PTPN4: variants seen among roughly 807,000 people sequenced by gnomAD.
PTPN4 encodes the protein tyrosine-protein phosphatase non-receptor type 4.
PTPN4 carries 49 observed loss-of-function variants against 135.5 expected under a neutral mutation model. That is an observed-to-expected ratio of 0.36 (90% confidence interval 0.29 to 0.46). The LOEUF is 0.46. PTPN4 is among the 20% of genes least tolerant of loss of function. The pLI, the probability that PTPN4 is intolerant of heterozygous loss-of-function variation, is 1.00. For synonymous variants in PTPN4, 333 were observed against 369.9 expected, an observed-to-expected ratio of 0.90 and a Z score of 1.14; for missense variants, 860 against 1,101.0, an observed-to-expected ratio of 0.78 and a Z score of 3.10.
Position 119,759,935 on chromosome 2 carries a change from AGCTCACGCC to A in PTPN4, c.-464_-456del, listed in dbSNP as rs2104911291. ...CAAACGCTGCCCAGGATTACCCGCCAGCTCACGCCGCGCAGTGCGCTTTTCCGCTCCTCG... is the reference window on the plus strand; with the variant it reads ...CAAACGCTGCCCAGGATTACCCGCCAGCGCAGTGCGCTTTTCCGCTCCTCG... On this transcript the variant is annotated 5_prime_UTR_variant, in exon 1 of 27. Transcript: ENST00000263708. 5.6e-6 allele frequency: 2 copies of A among 358,668 alleles called. No homozygotes were observed. The highest frequency in any genetic ancestry group is 9.4e-5 in the Admixed American group (2 of 21,298). The allele number at this position is 358,668 out of a possible 1,614,324, so 22.2% of individuals were successfully genotyped here.
At chr2:119,816,851 A>T (rs1308454181) in intron 2 of PTPN4, among the ~76,000 whole-genome samples, 2 of 152,192 alleles carry the variant, frequency 1.3e-5, no homozygotes, top group African/African-American at 4.8e-5. Flanking sequence ...TTAATCTGGA[A>T]TTTACGGAGA....
intron 8 of PTPN4, among the ~76,000 whole-genome samples, chr2:119,884,734 A>G (rs1188421626): frequency 1.3e-5 from 2 of 152,208 alleles, no homozygotes; most frequent in Non-Finnish European, 2.9e-5. Flanking sequence ...AATGAAGAAA[A>G]ACAGAAGTAT....
At chr2:119,943,703 A>G (rs2105046171) in intron 15 of PTPN4, among the ~76,000 whole-genome samples, 1 of 142,892 alleles carries the variant, frequency 7.0e-6, no homozygotes, top group Middle Eastern at 4.4e-3. Context: ...CTCCTGCCTC[A>G]GCCCCCCCGA....
At chr2:119,914,943 T>C (rs1678629826) in intron 10 of PTPN4, among the ~76,000 whole-genome samples, 1 of 152,192 alleles carries the variant, frequency 6.6e-6, no homozygotes, top group Non-Finnish European at 1.5e-5. Context: ...AATTTTAATT[T>C]GTGACATCTG....
intron 1 of PTPN4, among the ~76,000 whole-genome samples, chr2:119,773,569 C>A (rs976193128): frequency 6.6e-6 from 1 of 151,888 alleles, no homozygotes; most frequent in Non-Finnish European, 1.5e-5. Context: ...AACCCTGCAT[C>A]TACTAAAAAT....
chr2:119,923,127 G>A (rs921989365), intron 12 of PTPN4, among the ~76,000 whole-genome samples: 2 of 152,154 alleles, frequency 1.3e-5, no homozygotes, highest in Non-Finnish European at 2.9e-5. Context: ...TAATCTCAGT[G>A]TTGTGGGAGA....
intron 26 of PTPN4, among the ~76,000 whole-genome samples, chr2:119,970,642 C>T (rs908876421): frequency 2.6e-5 from 4 of 152,116 alleles, no homozygotes; most frequent in African/African-American, 9.7e-5. Flanking sequence ...TTACTTTATT[C>T]CTTTTTCTTG....
intron 9 of PTPN4, among the ~76,000 whole-genome samples, chr2:119,894,344 T>G (rs544811851): frequency 6.6e-6 from 1 of 152,360 alleles, no homozygotes; most frequent in East Asian, 1.9e-4. Flanking sequence ...TCTACTGTAC[T>G]CAAATCACAT....
chr2:119,910,885 A>C (rs1262075072), intron 10 of PTPN4, among the ~76,000 whole-genome samples: 5 of 152,188 alleles, frequency 3.3e-5, no homozygotes, highest in Non-Finnish European at 7.4e-5. Context: ...CTTTATTAGC[A>C]GTGTGAGAAT....
At chr2:119,866,203 G>A (rs966472763) in intron 3 of PTPN4, among the ~76,000 whole-genome samples, 1 of 152,116 alleles carries the variant, frequency 6.6e-6, no homozygotes, top group Middle Eastern at 3.4e-3. Flanking sequence ...TTATCAGCAT[G>A]CTATTTAACA....
intron 13 of PTPN4, among the ~76,000 whole-genome samples, chr2:119,929,718 C>A (rs2105035490): frequency 6.6e-6 from 1 of 152,158 alleles, no homozygotes; most frequent in East Asian, 1.9e-4. Context: ...GGGTGGGTCC[C>A]TGAGGTTAAA....
intron 10 of PTPN4, among the ~76,000 whole-genome samples, chr2:119,906,939 G>C (rs78964143): frequency 0.023 from 3,526 of 152,220 alleles, 129 homozygotes; most frequent in African/African-American, 0.077. Context: ...AAGTCTCTTA[G>C]AACTATTAAG....
At chr2:119,912,929 A>G (rs1048401009) in intron 10 of PTPN4, among the ~76,000 whole-genome samples, 1 of 152,132 alleles carries the variant, frequency 6.6e-6, no homozygotes, top group East Asian at 1.9e-4. Context: ...TCACTATCAT[A>G]TATCTCTATA....
chr2:119,946,011 C>T (rs1679127871), intron 16 of PTPN4, among the ~76,000 whole-genome samples: 1 of 151,926 alleles, frequency 6.6e-6, no homozygotes, highest in Non-Finnish European at 1.5e-5. Flanking sequence ...TTATGAGCAC[C>T]CTCTGTATAC....
At chr2:119,968,505 C>A (rs1310089260) in intron 26 of PTPN4, among the ~76,000 whole-genome samples, 1 of 151,918 alleles carries the variant, frequency 6.6e-6, no homozygotes, top group Non-Finnish European at 1.5e-5. Flanking sequence ...TGCATTGCAG[C>A]GGCCGGGCGC....
At chr2:119,804,374 C>T (rs555385649) in intron 1 of PTPN4, among the ~76,000 whole-genome samples, 12 of 152,042 alleles carry the variant, frequency 7.9e-5, no homozygotes, top group Non-Finnish European at 1.6e-4. Context: ...TTGTTTGCTG[C>T]ACCCATTAAC....
At chr2:119,891,315 T>TTTTG (rs750013304) in intron 9 of PTPN4, among the ~76,000 whole-genome samples, 6 of 152,124 alleles carry the variant, frequency 3.9e-5, no homozygotes, top group South Asian at 4.1e-4. Flanking sequence ...AGTTTCAGTT[T>TTTTG]TTTGTTTGTT....
intron 1 of PTPN4, 142 bp downstream of exon 1, chr2:119,760,526 G>T: frequency 2.6e-6 from 1 of 380,988 alleles, no homozygotes; most frequent in Non-Finnish European, 4.6e-6. Context: ...AGGAAAAAAG[G>T]ACAAAAACAA....
rs139150848 is a variant in PTPN4, at chr2:119,841,159, C to T, written c.139-21377C>T. Among the ~76,000 whole-genome samples, 152 of 151,664 alleles carry T rather than the reference C, an allele frequency of 1.0e-3. 1 individual carries two copies. The highest frequency in any genetic ancestry group is 1.5e-3 in the Non-Finnish European group (105 of 67,860). ...TTTGGATATTTTCTTATATTTTAACCGCCCACCAGATCATAATTTTAAAAA... is the reference window on the plus strand; with the variant it reads ...TTTGGATATTTTCTTATATTTTAACTGCCCACCAGATCATAATTTTAAAAA... On this transcript the variant is annotated intron_variant, in intron 2 of 26. Transcript: ENST00000263708.
Sources: allele counts gnomAD v4.1 joint callset (sites outside exome capture counted in the v4.1 genomes callset), GRCh38; gene constraint gnomAD v4.1.1; transcripts MANE v1.5; gene names NCBI Gene and HGNC (gene_info 2026-07-23, HGNC 2026-07-21).